The following CHRM5 variants were observed in gnomAD, a reference collection of about 807,000 sequenced individuals.
CHRM5 encodes the protein muscarinic acetylcholine receptor M5.
In CHRM5, 18 loss-of-function variants were observed where a neutral mutation model predicts 39.0. That is an observed-to-expected ratio of 0.46 (90% confidence interval 0.32 to 0.68). CHRM5 has a LOEUF of 0.68. Among genes scored for constraint, CHRM5 ranks in the 30% least tolerant of loss-of-function variants. The pLI, the probability that CHRM5 is intolerant of heterozygous loss-of-function variation, is 0.04. For synonymous variants in CHRM5, 241 were observed against 246.3 expected (o/e 0.98, Z 0.20); for missense variants, 515 against 651.1 (o/e 0.79, Z 2.28).
chr15:34,018,503 T>C (rs2140702516), intron 1 of CHRM5: 1 of 152,020 alleles, frequency 6.6e-6, no homozygotes, highest in African/African-American at 2.4e-5. Context: ...GCGTCCAGAG[T>C]TGTTTGTTTC....
chr15:34,063,697 G>A lies in CHRM5; in HGVS notation c.980G>A (p.Ser327Asn). ...TDPVLQVVYKSQGKESPGEEF... is the reference protein window; with the variant it reads ...TDPVLQVVYKNQGKESPGEEF... Reference sequence around the variant, plus strand: ...CCTGTCCTCCAAGTGGTCTACAAGAGTCAGGGTAAGGAAAGCCCAGGGGAA... The same window carrying A: ...CCTGTCCTCCAAGTGGTCTACAAGAATCAGGGTAAGGAAAGCCCAGGGGAA... Residue 327 changes from serine (S) to asparagine (N), a missense_variant, in exon 3 of 3, where the codon AGT becomes AAT. Physicochemically the swap from Ser to Asn is conservative, Grantham distance 46. Coordinates refer to ENST00000383263, the MANE Select transcript of CHRM5 (RefSeq NM_012125.4). This position sits in a 1 kb window ranked among gnomAD's most constrained non-coding sequence, Gnocchi z 4.1. 4 of 1,614,216 alleles carry A rather than the reference G, an allele frequency of 2.5e-6. No individual in the cohort carries two copies. The highest frequency in any genetic ancestry group is 1.1e-5 in the South Asian group (1 of 91,086).
chr15:34,028,103 C>G (rs560561916), intron 1 of CHRM5, among the ~76,000 whole-genome samples: 121 of 152,182 alleles, frequency 8.0e-4, no homozygotes, highest in African/African-American at 2.7e-3. Flanking sequence ...ACAGAGAGAC[C>G]CCCCCTCAGC....
Position 34,063,899 on chromosome 15 carries a change from C to A in CHRM5, c.1182C>A (p.Asn394Lys). The A allele has an allele frequency of 6.2e-7, 1 of 1,614,216 alleles. No homozygotes were observed. The highest frequency in any genetic ancestry group is 2.2e-5 in the East Asian group (1 of 44,886). The change falls in exon 3 of 3, where the codon AAC (asparagine) becomes AAA (lysine). Residue 394 changes from asparagine to lysine, a missense_variant. Physicochemically the swap from Asn to Lys is moderately conservative, Grantham distance 94. Transcript: ENST00000383263. This position sits in a 1 kb window ranked among gnomAD's most constrained non-coding sequence, Gnocchi z 4.1. The part of the protein sequence containing the change: ...VVKADGNQET[N>K]NGCHKVKIMP... ...AAGCTGACGGGAACCAGGAGACCAA[C>A]AATGGCTGTCACAAGGTGAAAATCA...
chr15:33,986,172 T>C (rs987001909), intron 1 of CHRM5, among the ~76,000 whole-genome samples: 1 of 152,028 alleles, frequency 6.6e-6, no homozygotes, highest in African/African-American at 2.4e-5. Context: ...AGTGGCGCCA[T>C]CTCGGCTCAC....
intron 1 of CHRM5, among the ~76,000 whole-genome samples, chr15:34,021,194 T>C (rs1898184791): frequency 6.6e-6 from 1 of 152,200 alleles, no homozygotes; most frequent in South Asian, 2.1e-4. Context: ...TTTTTCTTTT[T>C]CTTTTTTTGG....
At chr15:33,977,862 A>G (rs576834106) in intron 1 of CHRM5, among the ~76,000 whole-genome samples, 3 of 152,174 alleles carry the variant, frequency 2.0e-5, no homozygotes, top group Non-Finnish European at 2.9e-5. Flanking sequence ...GCTTGAGCCC[A>G]GGAGGTCAAA....
At chr15:34,044,177 C>T (rs58152986) in intron 1 of CHRM5, among the ~76,000 whole-genome samples, 22,711 of 152,038 alleles carry the variant, frequency 0.15, 2,425 homozygotes, top group African/African-American at 0.29. Context: ...AGCAAAGTTC[C>T]TCAGAAGAGT....
intron 1 of CHRM5, among the ~76,000 whole-genome samples, chr15:33,994,286 AGGTTGCAC>A: frequency 6.6e-6 from 1 of 152,348 alleles, no homozygotes; most frequent in South Asian, 2.1e-4. Flanking sequence ...CAAGGGATCC[AGGTTGCAC>A]GCTCCTTATG....
At chr15:34,053,319 A>AAAAATATATATATATATAT (rs775436850) in intron 2 of CHRM5, among the ~76,000 whole-genome samples, 2 of 42,068 alleles carry the variant, frequency 4.8e-5, no homozygotes, top group African/African-American at 1.6e-4. Context: ...AAAAAAAAAA[A>AAAAATATATATATATATAT]ATATATATAT....
intron 1 of CHRM5, among the ~76,000 whole-genome samples, chr15:34,016,472 ACT>A (rs1159235646): frequency 1.3e-5 from 2 of 151,784 alleles, no homozygotes; most frequent in Non-Finnish European, 2.9e-5. Context: ...TGGCCACATG[ACT>A]CTTTTTTCTT....
chr15:34,025,042 G>A (rs1484508575), intron 1 of CHRM5, among the ~76,000 whole-genome samples: 5 of 150,712 alleles, frequency 3.3e-5, no homozygotes, highest in African/African-American at 4.9e-5. Context: ...ATGGTGGTAG[G>A]AGCCTGTAAT....
chr15:33,983,416 T>C (rs755895146), intron 1 of CHRM5, among the ~76,000 whole-genome samples: 11 of 151,902 alleles, frequency 7.2e-5, no homozygotes, highest in Non-Finnish European at 1.6e-4. Context: ...TTCAAAGAAA[T>C]TGACAGAAGG....
chr15:34,005,531 T>C (rs555514782), intron 1 of CHRM5, among the ~76,000 whole-genome samples: 9 of 152,302 alleles, frequency 5.9e-5, no homozygotes, highest in African/African-American at 2.2e-4. Context: ...AGATGCTGCT[T>C]TGAACCCTTT....
intron 1 of CHRM5, among the ~76,000 whole-genome samples, chr15:33,975,386 C>T (rs1383378505): frequency 1.3e-5 from 2 of 152,114 alleles, no homozygotes; most frequent in Non-Finnish European, 2.9e-5. Context: ...CTTAGCTATG[C>T]GGAATGCTAC....
At chr15:34,017,497 T>TTTTTTTTTTTTTTTTTTG (rs1555516619) in intron 1 of CHRM5, among the ~76,000 whole-genome samples, 1 of 133,364 alleles carries the variant, frequency 7.5e-6, no homozygotes, top group Non-Finnish European at 1.7e-5. Flanking sequence ...TTTTTTTTTT[T>TTTTTTTTTTTTTTTTTTG]TTTGAGACAG....
At chr15:33,978,477 A>T (rs1016383223) in intron 1 of CHRM5, among the ~76,000 whole-genome samples, 1 of 152,158 alleles carries the variant, frequency 6.6e-6, no homozygotes, top group Admixed American at 6.5e-5. Context: ...CAGCCTGATC[A>T]ACATGGTGAA....
chr15:34,014,483 G>T (rs1157151431), intron 1 of CHRM5, among the ~76,000 whole-genome samples: 1 of 151,324 alleles, frequency 6.6e-6, no homozygotes, highest in Non-Finnish European at 1.5e-5. Flanking sequence ...AGCAACTAGG[G>T]TAACAAAATC....
At chr15:34,007,002 T>C (rs1254845431) in intron 1 of CHRM5, 1 of 914,552 alleles carries the variant, frequency 1.1e-6, no homozygotes, top group Non-Finnish European at 1.3e-6. Context: ...CATATAAATA[T>C]TGTTACAAAA....
intron 1 of CHRM5, among the ~76,000 whole-genome samples, chr15:33,990,085 T>A (rs1310153012): frequency 6.6e-6 from 1 of 151,694 alleles, no homozygotes; most frequent in African/African-American, 2.4e-5. Flanking sequence ...GCGCCTATAA[T>A]CCCAGCTACT....
Sources: gnomAD v4.1 joint callset for allele counts (sites outside exome capture counted in the v4.1 genomes callset) on GRCh38, gnomAD v4.1.1 for gene constraint, Gnocchi (gnomAD v3.1) non-coding constraint, MANE v1.5 for transcripts, NCBI Gene and HGNC (gene_info 2026-07-23, HGNC 2026-07-21) for gene names.